The following ARPP21 variants were observed in gnomAD, a reference collection of about 807,000 sequenced individuals.
ARPP21 encodes the protein cAMP-regulated phosphoprotein 21.
Under a neutral mutation model 113.2 loss-of-function variants are expected in ARPP21, and 69 were observed. That is an observed-to-expected ratio of 0.61 (90% confidence interval 0.50 to 0.74). The LOEUF (loss-of-function observed/expected upper bound fraction) is 0.74. Ranked by LOEUF, ARPP21 falls within the 30% of genes least tolerant of loss-of-function variation. The pLI is 0.00. For synonymous variants in ARPP21, 368 were observed against 375.5 expected (o/e 0.98, Z 0.23); for missense variants, 1,070 against 1,037.4 (o/e 1.03, Z -0.43).
chr3:35,659,286 A>C (rs1033394441), intron 1 of ARPP21, among the ~76,000 whole-genome samples: 1 of 152,220 alleles, frequency 6.6e-6, no homozygotes, highest in Non-Finnish European at 1.5e-5. Context: ...TCATGTAGAC[A>C]CAGCACACAA....
At chr3:35,665,437 A>G (rs1337484944) in intron 1 of ARPP21, among the ~76,000 whole-genome samples, 2 of 152,220 alleles carry the variant, frequency 1.3e-5, no homozygotes, top group African/African-American at 4.8e-5. Context: ...AGTGCTATAC[A>G]TGGACACTCT....
At chr3:35,706,952 A>G (rs756648219) in intron 9 of ARPP21, 22 bp from the exon 10 acceptor site, 7 of 1,577,412 alleles carry the variant, frequency 4.4e-6, no homozygotes, top group Non-Finnish European at 6.0e-6. Flanking sequence ...TTTTTTATTG[A>G]TATGTTTTAC....
intron 1 of ARPP21, among the ~76,000 whole-genome samples, chr3:35,652,450 A>G (rs1224917775): frequency 1.3e-5 from 2 of 152,062 alleles, no homozygotes; most frequent in Admixed American, 6.6e-5. Flanking sequence ...CACTGAAAAC[A>G]TTACCTCATT....
At chr3:35,725,667 A>G (rs2093473302) in intron 14 of ARPP21, among the ~76,000 whole-genome samples, 1 of 151,852 alleles carries the variant, frequency 6.6e-6, no homozygotes, top group African/African-American at 2.4e-5. Context: ...CTGGCTTTTC[A>G]TTTTGTTTTG....
chr3:35,696,935 T>C (rs924052387), intron 9 of ARPP21, among the ~76,000 whole-genome samples: 23 of 151,570 alleles, frequency 1.5e-4, no homozygotes. Flanking sequence ...TTTATTGTTG[T>C]CCTGTTAGAT....
chr3:35,647,693 G>T (rs897789213), intron 1 of ARPP21, among the ~76,000 whole-genome samples: 1 of 152,150 alleles, frequency 6.6e-6, no homozygotes, highest in Non-Finnish European at 1.5e-5. Flanking sequence ...CTGGTGTTTG[G>T]TTTCTGGGTC....
Position 35,737,341 on chromosome 3 carries a change from G to A in ARPP21, c.1623G>A (p.Met541Ile), listed in dbSNP as rs149775645. 9 of 1,610,762 alleles carry A rather than the reference G, an allele frequency of 5.6e-6. No homozygotes were observed. The highest frequency in any genetic ancestry group is 5.9e-6 in the Non-Finnish European group (7 of 1,178,078). ...QQQVQPPQPQ[M>I]AGPLVTQSVQ... Reference sequence around the variant, plus strand: ...AGGTCCAGCCACCGCAGCCACAGATGGCAGGCCCTCTGGTCACTCAGGTAG... The same window carrying A: ...AGGTCCAGCCACCGCAGCCACAGATAGCAGGCCCTCTGGTCACTCAGGTAG... Residue 541 changes from methionine to isoleucine, a missense_variant, in exon 16 of 21, where the codon ATG (methionine) becomes ATA (isoleucine). Met to Ile is a conservative substitution (Grantham distance 10). Transcript: ENST00000684406.
intron 19 of ARPP21, among the ~76,000 whole-genome samples, chr3:35,775,322 G>T (rs2096327402): frequency 6.6e-6 from 1 of 152,146 alleles, no homozygotes. Flanking sequence ...CAGGAGCGCA[G>T]AATGAATCCC....
intron 11 of ARPP21, among the ~76,000 whole-genome samples, chr3:35,710,688 G>T (rs747689578): frequency 1.3e-5 from 2 of 151,962 alleles, no homozygotes; most frequent in African/African-American, 2.4e-5. Flanking sequence ...GCAATATTAT[G>T]CTGTTTTTAA....
At chr3:35,761,307 CA>C (rs2095767351) in intron 19 of ARPP21, among the ~76,000 whole-genome samples, 1 of 152,024 alleles carries the variant, frequency 6.6e-6, no homozygotes. Flanking sequence ...GGTGGGTAGG[CA>C]ACGTTTAGAT....
chr3:35,669,455 CT>C (rs1311769583), intron 1 of ARPP21, among the ~76,000 whole-genome samples: 2 of 152,060 alleles, frequency 1.3e-5, no homozygotes, highest in East Asian at 1.9e-4. Context: ...AAATTTGATT[CT>C]TTTTTGGATA....
chr3:35,713,888 T>C (rs1442428528), intron 11 of ARPP21, among the ~76,000 whole-genome samples: 1 of 152,156 alleles, frequency 6.6e-6, no homozygotes, highest in Non-Finnish European at 1.5e-5. Context: ...ACTTTCCAAC[T>C]ATGAGAGCTG....
intron 19 of ARPP21, among the ~76,000 whole-genome samples, chr3:35,779,221 TAGC>T (rs1353511106): frequency 1.3e-5 from 2 of 152,130 alleles, no homozygotes; most frequent in Non-Finnish European, 2.9e-5. Context: ...AATGACACAA[TAGC>T]AGCAGAAGTG....
intron 14 of ARPP21, among the ~76,000 whole-genome samples, chr3:35,726,407 G>A (rs1025516989): frequency 1.3e-5 from 2 of 152,208 alleles, no homozygotes; most frequent in Non-Finnish European, 2.9e-5. Context: ...AGTCAGAAGG[G>A]CCAGTTAGTA....
At chr3:35,690,322 C>T (rs1490935541) in intron 8 of ARPP21, among the ~76,000 whole-genome samples, 182 bp downstream of exon 8, 1 of 151,354 alleles carries the variant, frequency 6.6e-6, no homozygotes, top group Non-Finnish European at 1.5e-5. Flanking sequence ...TTGCTTGGAC[C>T]ATGTGTGCTT....
chr3:35,724,195 A>G lies in ARPP21; in HGVS notation c.1225+2361A>G, dbSNP rs151144638. On this transcript the variant is annotated intron_variant, in intron 14 of 20. Coordinates refer to ENST00000684406, the MANE Select transcript of ARPP21 (RefSeq NM_001385562.1). The stretch of plus-strand genomic sequence containing the variant: ...AAGCATATTACTGAAGTATGAATGT[A>G]CAAGCACATTCTCTTGAGGCCTGGG... Among the ~76,000 whole-genome samples the G allele has an allele frequency of 5.0e-3, 761 of 152,352 alleles. 2 individuals are homozygous for G. Among genetic ancestry groups the G allele is most frequent in the Middle Eastern group, 0.017 (5 of 294 alleles).
intron 9 of ARPP21, among the ~76,000 whole-genome samples, chr3:35,693,345 A>G (rs879838316): frequency 6.6e-6 from 1 of 151,658 alleles, no homozygotes; most frequent in Non-Finnish European, 1.5e-5. Flanking sequence ...GTCATGTTCT[A>G]CTGTTCTATT....
chr3:35,699,668 A>G (rs1488019208), intron 9 of ARPP21, among the ~76,000 whole-genome samples: 1 of 151,648 alleles, frequency 6.6e-6, no homozygotes, highest in Non-Finnish European at 1.5e-5. Flanking sequence ...AAAAAAATAT[A>G]TATAGCTTTT....
At chr3:35,689,943 C>T in intron 7 of ARPP21, 138 bp from the exon 8 acceptor site, 1 of 573,764 alleles carries the variant, frequency 1.7e-6, no homozygotes, top group Non-Finnish European at 3.1e-6. Flanking sequence ...AAATGGTCAG[C>T]ATATTCCAAA....
Sources: allele counts gnomAD v4.1 joint callset (sites outside exome capture counted in the v4.1 genomes callset), GRCh38; gene constraint gnomAD v4.1.1; transcripts MANE v1.5; gene names NCBI Gene and HGNC (gene_info 2026-07-23, HGNC 2026-07-21).